CDH18: variants seen among roughly 807,000 people sequenced by gnomAD.
CDH18 encodes the protein cadherin-18.
In CDH18, 31 loss-of-function variants were observed where a neutral mutation model predicts 67.9. That is an observed-to-expected ratio of 0.46 (90% CI 0.34 to 0.62). The LOEUF (loss-of-function observed/expected upper bound fraction) is 0.62. CDH18 is among the 20% of genes least tolerant of loss of function. The pLI is 0.01. For synonymous variants in CDH18, 362 were observed against 347.2 expected (o/e 1.04, Z -0.48); for missense variants, 890 against 975.5 (o/e 0.91, Z 1.17).
intron 10 of CDH18, among the ~76,000 whole-genome samples, chr5:19,507,233 A>G (rs1744349736): frequency 6.6e-6 from 1 of 152,190 alleles, no homozygotes; most frequent in Non-Finnish European, 1.5e-5. Flanking sequence ...TAGAATGGTG[A>G]TCATTAAAAA....
intron 2 of CDH18, among the ~76,000 whole-genome samples, chr5:20,160,825 A>T (rs1158432461): frequency 1.3e-5 from 2 of 152,204 alleles, no homozygotes; most frequent in Non-Finnish European, 2.9e-5. Flanking sequence ...GAGGTCAAAA[A>T]CTGCAGGCTG....
intron 1 of CDH18, among the ~76,000 whole-genome samples, chr5:20,537,271 T>A (rs721527): frequency 0.44 from 67,285 of 151,920 alleles, 15,337 homozygotes; most frequent in East Asian, 0.57. Flanking sequence ...TCCAAAAATA[T>A]ATGCATTTAT....
At chr5:20,046,725 C>G (rs1255365257) in intron 2 of CDH18, among the ~76,000 whole-genome samples, 1 of 150,568 alleles carries the variant, frequency 6.6e-6, no homozygotes, top group Non-Finnish European at 1.5e-5. Context: ...GAAGTCAACA[C>G]ATGAAATGTT....
intron 2 of CDH18, among the ~76,000 whole-genome samples, chr5:19,904,336 AAGGGAGGG>A (rs909368303): frequency 4.0e-5 from 5 of 125,432 alleles, no homozygotes; most frequent in Admixed American, 1.8e-4. Flanking sequence ...AAAGAGAGAG[AAGGGAGGG>A]AGGGAGGGAG....
intron 2 of CDH18, among the ~76,000 whole-genome samples, chr5:20,142,454 C>T (rs1350829414): frequency 1.3e-5 from 2 of 151,836 alleles, no homozygotes; most frequent in South Asian, 2.1e-4. Flanking sequence ...GTGGCAAGCA[C>T]CCGTAGTCTC....
chr5:19,500,864 C>T (rs1053056809), intron 11 of CDH18, among the ~76,000 whole-genome samples: 3 of 152,088 alleles, frequency 2.0e-5, no homozygotes, highest in Non-Finnish European at 4.4e-5. Flanking sequence ...GTCACGGTAG[C>T]TCACACCTGT....
At chr5:20,270,418 A>T (rs1745350816) in intron 1 of CDH18, among the ~76,000 whole-genome samples, 2 of 152,176 alleles carry the variant, frequency 1.3e-5, no homozygotes, top group Admixed American at 1.3e-4. Flanking sequence ...AATGCAAATC[A>T]AAACCATAAT....
chr5:20,465,634 T>A (rs532503626), intron 1 of CDH18, among the ~76,000 whole-genome samples: 1 of 152,166 alleles, frequency 6.6e-6, no homozygotes, highest in South Asian at 2.1e-4. Context: ...TACAACTAAA[T>A]GAAATATTAT....
At chr5:20,115,234 T>G (rs1747787583) in intron 2 of CDH18, among the ~76,000 whole-genome samples, 1 of 142,896 alleles carries the variant, frequency 7.0e-6, no homozygotes, top group Non-Finnish European at 1.5e-5. Flanking sequence ...ATAAGGACAC[T>G]AATACCATCA....
At chr5:19,536,511 G>A (rs556763040) in intron 9 of CDH18, among the ~76,000 whole-genome samples, 2 of 152,312 alleles carry the variant, frequency 1.3e-5, no homozygotes, top group African/African-American at 2.4e-5. Context: ...ATTGATACAC[G>A]TGGAGTTTAT....
intron 1 of CDH18, among the ~76,000 whole-genome samples, chr5:20,351,565 C>G (rs906002407): frequency 6.9e-6 from 1 of 144,374 alleles, no homozygotes; most frequent in African/African-American, 2.6e-5. Flanking sequence ...TTTGTCCATA[C>G]AGTATCACCA....
intron 1 of CDH18, among the ~76,000 whole-genome samples, chr5:20,363,725 T>TG (rs1742291848): frequency 6.6e-6 from 1 of 151,720 alleles, no homozygotes. Context: ...TTAATTTTTT[T>TG]TTTTTTTACA....
At chr5:19,926,639 A>G (rs1257540085) in intron 2 of CDH18, among the ~76,000 whole-genome samples, 1 of 152,142 alleles carries the variant, frequency 6.6e-6, no homozygotes. Context: ...ATTATAGGTA[A>G]TAAAATTGAC....
intron 2 of CDH18, among the ~76,000 whole-genome samples, chr5:20,102,289 C>T (rs545069096): frequency 1.5e-4 from 23 of 151,528 alleles, no homozygotes; most frequent in African/African-American, 4.8e-4. Flanking sequence ...AATGTACTTA[C>T]GGAAGTACGT....
At chr5:20,424,296 G>C (rs990683216) in intron 1 of CDH18, among the ~76,000 whole-genome samples, 1 of 150,864 alleles carries the variant, frequency 6.6e-6, no homozygotes, top group Non-Finnish European at 1.5e-5. Flanking sequence ...TGTTTTCATC[G>C]AGAGGATCTG....
chr5:20,137,237 C>T (rs1224349320), intron 2 of CDH18, among the ~76,000 whole-genome samples: 1 of 152,094 alleles, frequency 6.6e-6, no homozygotes, highest in Non-Finnish European at 1.5e-5. Flanking sequence ...TGTAGACTTG[C>T]TCTTTTCACA....
In CDH18 at chr5:19,857,837, A is replaced by T. The variant is rs367988170; in HGVS notation, c.-256-18595T>A. 7.2e-5 allele frequency among the ~76,000 whole-genome samples: 11 copies of T among 152,264 alleles called. No individual in the cohort carries two copies. In the East Asian group the frequency reaches 1.4e-3, roughly 19 times the overall value. The stretch of plus-strand genomic sequence containing the variant: ...TAGGGAAATAAAAATTCTACATGAA[A>T]AATGTTATTTTCTCTGTTAAAGAAA... On this transcript the variant is annotated intron_variant, in intron 2 of 12. Coordinates refer to ENST00000382275, the MANE Select transcript of CDH18 (RefSeq NM_004934.5).
chr5:19,710,083 C>T (rs113740323), intron 5 of CDH18, among the ~76,000 whole-genome samples: 34 of 152,234 alleles, frequency 2.2e-4, no homozygotes, highest in African/African-American at 7.9e-4. Context: ...TGAAGTGAGT[C>T]AAGGTCATGC....
chr5:20,384,911 G>A (rs535204695), intron 1 of CDH18, among the ~76,000 whole-genome samples: 3 of 151,918 alleles, frequency 2.0e-5, no homozygotes, highest in African/African-American at 4.8e-5. Context: ...ATCGCGGCTC[G>A]CTGCAACCTC....
Sources: gnomAD v4.1 joint callset for allele counts (sites outside exome capture counted in the v4.1 genomes callset) on GRCh38, gnomAD v4.1.1 for gene constraint, MANE v1.5 for transcripts, NCBI Gene and HGNC (gene_info 2026-07-23, HGNC 2026-07-21) for gene names.